The following GRIK2 variants were observed in gnomAD, a reference collection of about 807,000 sequenced individuals.
The protein encoded by GRIK2 is glutamate receptor ionotropic, kainate 2.
In GRIK2, 32 loss-of-function variants were observed where a neutral mutation model predicts 100.3. The observed-to-expected ratio is 0.32, with a 90% CI of 0.24 to 0.43. GRIK2 has a LOEUF of 0.43. Among genes scored for constraint, GRIK2 ranks in the 20% least tolerant of loss-of-function variants. The pLI is 1.00. For missense variants in GRIK2, 843 were observed against 1,114.9 expected (o/e 0.76, Z 3.47); for synonymous variants, 417 against 389.4 (o/e 1.07, Z -0.83).
At position 101,872,448 on chromosome 6, in the gene GRIK2, T is replaced by C. The variant is rs574721206; in HGVS notation, c.1524+12955T>C. ...AAAAGTCCCTTATAAAACCATCAGA[T>C]CATGAGAACTCACTCACTATCATGA... On this transcript the variant is annotated intron_variant, in intron 11 of 16. Transcript: ENST00000369134. 4.6e-5 allele frequency among the ~76,000 whole-genome samples: 7 copies of C among 151,838 alleles called. No homozygotes were observed. In the South Asian group the frequency reaches 1.5e-3, roughly 32 times the overall value.
At chr6:101,920,051 A>G (rs7766245) in intron 12 of GRIK2, among the ~76,000 whole-genome samples, 10,684 of 151,926 alleles carry the variant, frequency 0.07, 943 homozygotes, top group African/African-American at 0.21. Context: ...AAAGAACTGT[A>G]TTGGGATGTA....
At chr6:101,972,997 T>C (rs1793151336) in intron 14 of GRIK2, among the ~76,000 whole-genome samples, 1 of 151,984 alleles carries the variant, frequency 6.6e-6, no homozygotes, top group South Asian at 2.1e-4. Context: ...CAAGCTTTGT[T>C]CTTTTTGCTT....
At chr6:101,789,486 T>C (rs1363775668) in intron 7 of GRIK2, among the ~76,000 whole-genome samples, 1 of 152,214 alleles carries the variant, frequency 6.6e-6, no homozygotes, top group Non-Finnish European at 1.5e-5. Context: ...TGCTTGTTTT[T>C]CTCAGGTTTG....
At chr6:101,524,421 A>C (rs957095702) in intron 2 of GRIK2, among the ~76,000 whole-genome samples, 1 of 152,020 alleles carries the variant, frequency 6.6e-6, no homozygotes, top group Non-Finnish European at 1.5e-5. Flanking sequence ...ACAGATATAT[A>C]ATTTCTAAGG....
intron 4 of GRIK2, among the ~76,000 whole-genome samples, chr6:101,672,180 G>A (rs115655989): frequency 0.021 from 3,142 of 152,136 alleles, 98 homozygotes; most frequent in African/African-American, 0.072. Flanking sequence ...CAACCAACCC[G>A]CACAACCCTT....
rs60210939 is a variant in GRIK2, at chr6:101,692,039, CAAAAAAAAAAAA to C, written c.951+5703_951+5714del. Among the ~76,000 whole-genome samples the C allele has an allele frequency of 7.7e-5, 6 of 78,376 alleles. No homozygotes were observed. The East Asian group carries it at 1.1e-3, about 14-fold the overall frequency. The allele number at this position is 78,376 out of a possible 152,430, so 51.4% of individuals were successfully genotyped here. ...TAAACTCCAACGTAACACCCCGTCT[CAAAAAAAAAAAA>C]AAAAAAAAAAAAAAAAGCAATGGAA... On this transcript the variant is annotated intron_variant, in intron 7 of 16. Coordinates refer to ENST00000369134, the MANE Select transcript of GRIK2 (RefSeq NM_021956.5).
intron 7 of GRIK2, among the ~76,000 whole-genome samples, chr6:101,796,837 G>A (rs1348314535): frequency 6.6e-6 from 1 of 151,936 alleles, no homozygotes; most frequent in Non-Finnish European, 1.5e-5. Context: ...GTGCCACTGT[G>A]CCCAGCTATA....
At chr6:101,587,486 G>A (rs556271042) in intron 2 of GRIK2, among the ~76,000 whole-genome samples, 6 of 152,152 alleles carry the variant, frequency 3.9e-5, no homozygotes, top group Admixed American at 1.3e-4. Flanking sequence ...AGGATTTCCA[G>A]AAGGAGCTGA....
At chr6:101,747,035 A>G (rs1219206518) in intron 7 of GRIK2, among the ~76,000 whole-genome samples, 1 of 152,168 alleles carries the variant, frequency 6.6e-6, no homozygotes, top group Non-Finnish European at 1.5e-5. Flanking sequence ...AATCTTCTGA[A>G]TTAGATCAGC....
Position 101,686,305 on chromosome 6 carries a change from G to T in GRIK2, c.903G>T (p.Leu301Phe). 2 of 1,613,476 alleles carry T rather than the reference G, an allele frequency of 1.2e-6. No individual in the cohort carries two copies. The highest frequency in any genetic ancestry group is 1.7e-6 in the Non-Finnish European group (2 of 1,179,540). Residue 301 changes from leucine (L) to phenylalanine (F), a missense_variant, in exon 7 of 17, where the codon TTG (leucine) becomes TTT (phenylalanine). Coordinates refer to ENST00000369134, the MANE Select transcript of GRIK2 (RefSeq NM_021956.5). ...SIIEKWSMERLQAPPKPDSGL... is the reference protein window; with the variant it reads ...SIIEKWSMERFQAPPKPDSGL... Reference sequence around the variant, plus strand: ...TTGAAAAGTGGTCGATGGAACGATTGCAGGCACCTCCGAAACCCGATTCAG... The same window carrying T: ...TTGAAAAGTGGTCGATGGAACGATTTCAGGCACCTCCGAAACCCGATTCAG...
intron 4 of GRIK2, among the ~76,000 whole-genome samples, chr6:101,628,407 CATTATTAAGAGTCCT>C (rs1406577244): frequency 6.6e-6 from 1 of 151,818 alleles, no homozygotes; most frequent in Non-Finnish European, 1.5e-5. Context: ...ATTAGGAATA[CATTATTAAGAGTCCT>C]TAAAAATAAG....
At chr6:101,628,407 C>T (rs1345574243) in intron 4 of GRIK2, among the ~76,000 whole-genome samples, 4 of 151,818 alleles carry the variant, frequency 2.6e-5, no homozygotes, top group Non-Finnish European at 2.9e-5. Flanking sequence ...ATTAGGAATA[C>T]ATTATTAAGA....
chr6:101,675,279 G>A (rs1482987435), intron 4 of GRIK2, among the ~76,000 whole-genome samples: 11 of 141,626 alleles, frequency 7.8e-5, no homozygotes, highest in African/African-American at 2.8e-4. Context: ...GTACGCACAC[G>A]CGCACGCACA....
intron 7 of GRIK2, among the ~76,000 whole-genome samples, chr6:101,717,516 G>T (rs1483203630): frequency 6.6e-6 from 1 of 151,718 alleles, no homozygotes; most frequent in East Asian, 1.9e-4. Context: ...TATGTTACAA[G>T]AATTTTCCTT....
rs1208371883 is a variant in GRIK2 at position 101,686,422 on chromosome 6, G to A, written c.951+69G>A. ...GTATTGCATACATATGAACTTCTGGGTTTATATGCATACATATAAACTTCA... is the reference window on the plus strand; with the variant it reads ...GTATTGCATACATATGAACTTCTGGATTTATATGCATACATATAAACTTCA... On this transcript the variant is annotated intron_variant, in intron 7 of 16. Coordinates refer to ENST00000369134, the MANE Select transcript of GRIK2 (RefSeq NM_021956.5). 4.4e-6 allele frequency: 5 copies of A among 1,132,456 alleles called. No individual in the cohort carries two copies. In the African/African-American group the frequency reaches 4.6e-5, roughly 10 times the overall value. 70.2% of individuals were successfully genotyped at this position (1,132,456 alleles called of 1,614,324 possible).
chr6:101,510,919 T>C (rs1477071000), intron 2 of GRIK2, among the ~76,000 whole-genome samples: 4 of 152,122 alleles, frequency 2.6e-5, no homozygotes, highest in African/African-American at 9.7e-5. Flanking sequence ...TAGACTACGA[T>C]ATATAAAAAA....
chr6:101,651,349 C>G (rs1287571414), intron 4 of GRIK2, among the ~76,000 whole-genome samples: 1 of 152,074 alleles, frequency 6.6e-6, no homozygotes, highest in Non-Finnish European at 1.5e-5. Context: ...TTCATTCATT[C>G]AACAAATGTA....
At chr6:101,820,591 G>A (rs116081413) in intron 10 of GRIK2, among the ~76,000 whole-genome samples, 1,529 of 152,048 alleles carry the variant, frequency 0.01, 22 homozygotes, top group African/African-American at 0.035. Context: ...GACTACAGGC[G>A]CGCTACCACT....
intron 7 of GRIK2, among the ~76,000 whole-genome samples, chr6:101,694,267 C>A (rs975770427): frequency 2.0e-5 from 3 of 152,036 alleles, no homozygotes; most frequent in African/African-American, 7.2e-5. Flanking sequence ...GGAAATACAA[C>A]ATGGTCAAGA....
Sources: allele counts gnomAD v4.1 joint callset (sites outside exome capture counted in the v4.1 genomes callset), GRCh38; gene constraint gnomAD v4.1.1; transcripts MANE v1.5; gene names NCBI Gene and HGNC (gene_info 2026-07-23, HGNC 2026-07-21).